The following KIAA0825 variants were observed in gnomAD, a reference collection of about 807,000 sequenced individuals.
The protein encoded by KIAA0825 is uncharacterized protein KIAA0825.
A neutral mutation model predicts 147.6 loss-of-function variants in KIAA0825; 119 were observed. The observed-to-expected ratio is 0.81, with a 90% confidence interval of 0.69 to 0.94. The LOEUF (loss-of-function observed/expected upper bound fraction) is 0.94, where lower values mean the gene tolerates loss of function less well. Among genes scored for constraint, KIAA0825 ranks in the 40% least tolerant of loss-of-function variants. KIAA0825 has a pLI of 0.00. For synonymous variants in KIAA0825, 470 were observed against 518.1 expected, an observed-to-expected ratio of 0.91 and a Z score of 1.26; for missense variants, 1,381 against 1,472.7, an observed-to-expected ratio of 0.94 and a Z score of 1.02.
At chr5:94,448,378 C>A (rs1400430607) in intron 13 of KIAA0825, among the ~76,000 whole-genome samples, 1 of 151,828 alleles carries the variant, frequency 6.6e-6, no homozygotes, top group Non-Finnish European at 1.5e-5. Context: ...AGATTATAGA[C>A]AAATTTATGG....
intron 20 of KIAA0825, among the ~76,000 whole-genome samples, chr5:94,274,386 G>C (rs1040809600): frequency 6.6e-6 from 1 of 152,098 alleles, no homozygotes; most frequent in African/African-American, 2.4e-5. Context: ...ACTACAAAAA[G>C]ATTATTCATT....
intron 4 of KIAA0825, among the ~76,000 whole-genome samples, chr5:94,521,704 AC>A (rs1356448586): frequency 6.6e-6 from 1 of 151,754 alleles, no homozygotes; most frequent in Non-Finnish European, 1.5e-5. Flanking sequence ...ATAGAAAGGG[AC>A]AAAAAATTTA....
rs942294495 is a variant in KIAA0825 at position 94,270,517 on chromosome 5, A to C, written c.3710+113851T>G. Among the ~76,000 whole-genome samples, 2 of 151,908 alleles carry C rather than the reference A, an allele frequency of 1.3e-5. 1 individual carries two copies. Among genetic ancestry groups the C allele is most frequent in the African/African-American group, 4.9e-5 (2 of 41,234 alleles). On this transcript the variant is annotated intron_variant, in intron 20 of 20. Transcript: ENST00000682413. ...CCCACAGAGACTGGAACATATTATA[A>C]GGCCATAGTTTTTGGTGCATGCAGT... is the stretch of plus-strand genomic sequence containing the variant.
chr5:94,425,168 G>A (rs1041001945), intron 14 of KIAA0825, among the ~76,000 whole-genome samples: 2 of 151,860 alleles, frequency 1.3e-5, no homozygotes, highest in South Asian at 4.1e-4. Context: ...AAACCAGAGA[G>A]GAACACAACA....
At chr5:94,391,348 C>T (rs756026573) in intron 18 of KIAA0825, among the ~76,000 whole-genome samples, 187 bp downstream of exon 18, 10 of 152,148 alleles carry the variant, frequency 6.6e-5, no homozygotes, top group Non-Finnish European at 1.3e-4. Flanking sequence ...TACATTGTTT[C>T]GGTGAAGCTT....
intron 1 of KIAA0825, among the ~76,000 whole-genome samples, chr5:94,588,447 T>G (rs978822105): frequency 6.6e-6 from 1 of 152,202 alleles, no homozygotes; most frequent in Non-Finnish European, 1.5e-5. Context: ...ATGCTCATCA[T>G]CAATGGTCAT....
intron 20 of KIAA0825, among the ~76,000 whole-genome samples, chr5:94,196,655 T>A (rs1490650629): frequency 2.0e-5 from 3 of 152,192 alleles, no homozygotes; most frequent in Non-Finnish European, 4.4e-5. Flanking sequence ...ATGTCTATTG[T>A]TCCCATCTTT....
intron 1 of KIAA0825, among the ~76,000 whole-genome samples, chr5:94,600,370 ATTCCTTATAT>A (rs1204282577): frequency 2.0e-5 from 3 of 151,778 alleles, no homozygotes; most frequent in Non-Finnish European, 2.9e-5. Flanking sequence ...TCATATATAT[ATTCCTTATAT>A]TTCCTTATAT....
chr5:94,153,537 A>C lies in KIAA0825; in HGVS notation c.*470T>G, dbSNP rs929704685. ...AAATTGAATGAGGAAAGTTGACACA[A>C]TTGTGGATAGTAAAGGCAATTAAAA... On this transcript the variant is annotated 3_prime_UTR_variant, in exon 21 of 21. Coordinates refer to ENST00000682413, the MANE Select transcript of KIAA0825 (RefSeq NM_001145678.3). 1 of 152,344 alleles carries C rather than the reference A, an allele frequency of 6.6e-6. No homozygotes were observed. The highest frequency in any genetic ancestry group is 1.5e-5 in the Non-Finnish European group (1 of 68,168). 9.4% of individuals were successfully genotyped at this position (152,344 alleles called of 1,614,324 possible). A position where few individuals can be genotyped will look rare whatever the true frequency, so the allele number is the denominator to read the frequency against.
chr5:94,313,295 T>C (rs903095292), intron 20 of KIAA0825, among the ~76,000 whole-genome samples: 6 of 151,620 alleles, frequency 4.0e-5, no homozygotes, highest in Non-Finnish European at 7.4e-5. Context: ...CAGAGCTACA[T>C]CTTAAGACTA....
chr5:94,295,069 G>C (rs983120176), intron 20 of KIAA0825, among the ~76,000 whole-genome samples: 9 of 152,006 alleles, frequency 5.9e-5, no homozygotes, highest in African/African-American at 2.2e-4. Flanking sequence ...TCAAACGTAG[G>C]TTTGGTCTTT....
intron 2 of KIAA0825, among the ~76,000 whole-genome samples, chr5:94,563,001 G>C (rs1335809183): frequency 3.3e-5 from 5 of 152,094 alleles, no homozygotes; most frequent in Non-Finnish European, 5.9e-5. Flanking sequence ...TTTACCCGTA[G>C]ACACTATTGA....
Position 94,471,462 on chromosome 5 carries a change from T to C in KIAA0825, c.1721+4A>G. On this transcript the variant is annotated splice_donor_region_variant and intron_variant, in intron 9 of 20. Transcript: ENST00000682413. ...GCCATCATCTTAATTTAAACAACAC[T>C]CACTTTTTAGTCATTTCCTTCATCA... 1 of 1,551,202 alleles carries C rather than the reference T, an allele frequency of 6.4e-7. No individual in the cohort carries two copies. Among genetic ancestry groups the C allele is most frequent in the East Asian group, 2.4e-5 (1 of 40,914 alleles).
intron 20 of KIAA0825, among the ~76,000 whole-genome samples, chr5:94,238,221 A>C (rs1490785166): frequency 1.3e-5 from 2 of 152,204 alleles, no homozygotes; most frequent in African/African-American, 2.4e-5. Flanking sequence ...GTGTAGCAAA[A>C]TGGTAGCTCA....
intron 5 of KIAA0825, among the ~76,000 whole-genome samples, chr5:94,518,775 T>A (rs1767646301): frequency 6.6e-6 from 1 of 152,122 alleles, no homozygotes; most frequent in Non-Finnish European, 1.5e-5. Context: ...CAAATTCTGG[T>A]GTTAAAGAGG....
At chr5:94,288,349 T>C (rs996834122) in intron 20 of KIAA0825, among the ~76,000 whole-genome samples, 2 of 152,122 alleles carry the variant, frequency 1.3e-5, no homozygotes, top group South Asian at 4.1e-4. Context: ...AAAAACAGTA[T>C]TGGAGCCATT....
At chr5:94,239,289 CA>C (rs1194816664) in intron 20 of KIAA0825, among the ~76,000 whole-genome samples, 2 of 152,038 alleles carry the variant, frequency 1.3e-5, no homozygotes, top group African/African-American at 4.8e-5. Flanking sequence ...TCTAAGTTTT[CA>C]AAAGGTCTAC....
chr5:94,348,087 A>G (rs192794024), intron 20 of KIAA0825, among the ~76,000 whole-genome samples: 1 of 152,270 alleles, frequency 6.6e-6, no homozygotes, highest in East Asian at 1.9e-4. Flanking sequence ...CCAATCCAAC[A>G]AAGACAAAGA....
At chr5:94,616,866 A>G (rs1790652651) in intron 1 of KIAA0825, among the ~76,000 whole-genome samples, 1 of 152,184 alleles carries the variant, frequency 6.6e-6, no homozygotes, top group Admixed American at 6.5e-5. Context: ...CATACTATCT[A>G]TCCATTTTTA....
Sources: gnomAD v4.1 joint callset for allele counts (sites outside exome capture counted in the v4.1 genomes callset) on GRCh38, gnomAD v4.1.1 for gene constraint, MANE v1.5 for transcripts, NCBI Gene and HGNC (gene_info 2026-07-23, HGNC 2026-07-21) for gene names.